The following ROBO2 variants were observed in gnomAD, a reference collection of about 807,000 sequenced individuals.
ROBO2 encodes the protein roundabout guidance receptor 2.
Under a neutral mutation model 160.8 loss-of-function variants are expected in ROBO2, and 53 were observed. The observed-to-expected ratio is 0.33, with a 90% CI of 0.26 to 0.41. ROBO2 has a LOEUF of 0.41. ROBO2 is among the 10% of genes least tolerant of loss of function. The pLI, the probability that ROBO2 is intolerant of heterozygous loss-of-function variation, is 1.00. For missense variants in ROBO2, 1,577 were observed against 1,722.4 expected (o/e 0.92, Z 1.49); for synonymous variants, 664 against 611.7 (o/e 1.09, Z -1.26).
intron 2 of ROBO2, among the ~76,000 whole-genome samples, chr3:77,030,799 T>A (rs915468815): frequency 1.3e-5 from 2 of 152,232 alleles, no homozygotes; most frequent in South Asian, 2.1e-4. Context: ...TCTAATCCAG[T>A]ATGAACTCAT....
At chr3:76,099,322 T>C (rs890491511) in intron 2 of ROBO2, among the ~76,000 whole-genome samples, 3 of 152,164 alleles carry the variant, frequency 2.0e-5, no homozygotes, top group Non-Finnish European at 4.4e-5. Context: ...TTAGTCCTTG[T>C]AGTGTCTCTG....
At chr3:77,121,237 G>T (rs1293185547) in intron 2 of ROBO2, among the ~76,000 whole-genome samples, 1 of 152,056 alleles carries the variant, frequency 6.6e-6, no homozygotes, top group Non-Finnish European at 1.5e-5. Flanking sequence ...GAGCCACCGA[G>T]CCCAGCCAAA....
At chr3:76,742,140 A>G (rs1043093619) in intron 2 of ROBO2, among the ~76,000 whole-genome samples, 4 of 152,154 alleles carry the variant, frequency 2.6e-5, no homozygotes, top group African/African-American at 7.2e-5. Context: ...TTTCCTGACA[A>G]TGATCAAACA....
chr3:77,188,100 G>A (rs1329120193), intron 2 of ROBO2, among the ~76,000 whole-genome samples: 4 of 151,708 alleles, frequency 2.6e-5, no homozygotes, highest in Admixed American at 2.6e-4. Flanking sequence ...TCTTGCTTAT[G>A]TATCAATTAT....
chr3:77,548,144 CATACAT>C (rs1213975584), intron 7 of ROBO2, among the ~76,000 whole-genome samples: 10 of 151,544 alleles, frequency 6.6e-5, no homozygotes, highest in Non-Finnish European at 7.4e-5. Context: ...TACACATACA[CATACAT>C]ACACATACAC....
Position 76,657,646 on chromosome 3 carries a change from GTATATATATTCATATATATGTGTA to G in ROBO2, c.110-440359_110-440336del, listed in dbSNP as rs1189343621. Among the ~76,000 whole-genome samples, 7 of 135,522 alleles carry G rather than the reference GTATATATATTCATATATATGTGTA, an allele frequency of 5.2e-5. No individual in the cohort carries two copies. The East Asian group carries it at 1.4e-3, about 27-fold the overall frequency. The allele number at this position is 135,522 out of a possible 152,430, so 88.9% of individuals were successfully genotyped here. ...TGTGTATATATATTCATATATATGT[GTATATATATTCATATATATGTGTA>G]TATATATACATATATGTGTGTATAT... On this transcript the variant is annotated intron_variant, in intron 2 of 26. Coordinates refer to the ROBO2 transcript ENST00000487694.
chr3:76,268,032 T>C (rs966817405), intron 2 of ROBO2, among the ~76,000 whole-genome samples: 1 of 152,156 alleles, frequency 6.6e-6, no homozygotes, highest in Non-Finnish European at 1.5e-5. Flanking sequence ...TAATACATGT[T>C]ACCAGTTACC....
At chr3:76,158,059 C>T (rs1475407503) in intron 2 of ROBO2, among the ~76,000 whole-genome samples, 2 of 152,088 alleles carry the variant, frequency 1.3e-5, no homozygotes, top group African/African-American at 4.8e-5. Flanking sequence ...AGTTGGGAAC[C>T]AATGACTTCA....
intron 2 of ROBO2, among the ~76,000 whole-genome samples, chr3:76,959,657 A>G (rs902828987): frequency 3.3e-5 from 5 of 152,188 alleles, no homozygotes; most frequent in Admixed American, 2.6e-4. Flanking sequence ...AGCCAGTCAC[A>G]TGAACTTACA....
intron 1 of ROBO2, among the ~76,000 whole-genome samples, chr3:77,072,560 T>A (rs775227543): frequency 3.9e-5 from 6 of 152,150 alleles, no homozygotes; most frequent in Non-Finnish European, 8.8e-5. Flanking sequence ...CATTTGTCTG[T>A]CAGGACTATG....
intron 2 of ROBO2, among the ~76,000 whole-genome samples, chr3:77,198,748 A>G (rs1289792961): frequency 6.6e-6 from 1 of 152,046 alleles, no homozygotes; most frequent in Non-Finnish European, 1.5e-5. Context: ...TAAAGATACA[A>G]AAAAATTAGC....
chr3:76,055,084 A>G (rs147889884), intron 2 of ROBO2, among the ~76,000 whole-genome samples: 1 of 152,316 alleles, frequency 6.6e-6, no homozygotes, highest in Middle Eastern at 3.4e-3. Context: ...CTGAAGGCGA[A>G]TGAGGAGCAA....
At chr3:76,092,655 T>G (rs191200148) in intron 2 of ROBO2, among the ~76,000 whole-genome samples, 1 of 152,302 alleles carries the variant, frequency 6.6e-6, no homozygotes, top group East Asian at 1.9e-4. Context: ...GTTAGGATCA[T>G]TCTCTTTGCT....
Position 77,333,172 on chromosome 3 carries a change from G to A in ROBO2, c.389-144242G>A, listed in dbSNP as rs1193562562. On this transcript the variant is annotated intron_variant, in intron 2 of 25. Coordinates refer to ENST00000461745, the Ensembl canonical transcript of ROBO2. The stretch of plus-strand genomic sequence containing the variant: ...GTTTATTATAATAGATTTAGTTGAA[G>A]CTTGGTTATATTCTGGCGTCAGTAG... 2.6e-5 allele frequency among the ~76,000 whole-genome samples: 4 copies of A among 152,154 alleles called. No individual in the cohort carries two copies. In the East Asian group the frequency reaches 5.8e-4, roughly 22 times the overall value.
intron 2 of ROBO2, among the ~76,000 whole-genome samples, chr3:76,842,051 C>T (rs1454428329): frequency 6.6e-6 from 1 of 152,154 alleles, no homozygotes; most frequent in South Asian, 2.1e-4. Flanking sequence ...TTGGAACATT[C>T]CACTAGAAAT....
intron 2 of ROBO2, among the ~76,000 whole-genome samples, chr3:77,351,218 C>T (rs1244516388): frequency 1.3e-5 from 2 of 151,586 alleles, no homozygotes; most frequent in Non-Finnish European, 2.9e-5. Flanking sequence ...AGTCAGATCT[C>T]GAATAAATAA....
intron 2 of ROBO2, among the ~76,000 whole-genome samples, chr3:76,398,000 A>T (rs1428509239): frequency 6.6e-6 from 1 of 152,194 alleles, no homozygotes; most frequent in Non-Finnish European, 1.5e-5. Flanking sequence ...ATTATAAATC[A>T]TGCTGCCATA....
intron 2 of ROBO2, among the ~76,000 whole-genome samples, chr3:76,494,381 G>A (rs928824699): frequency 9.2e-5 from 14 of 152,152 alleles, no homozygotes; most frequent in Non-Finnish European, 1.5e-4. Flanking sequence ...CAAAAGAAAT[G>A]AAGATGGAAA....
At chr3:77,419,037 G>A (rs980013736) in intron 2 of ROBO2, among the ~76,000 whole-genome samples, 9 of 152,034 alleles carry the variant, frequency 5.9e-5, no homozygotes, top group African/African-American at 1.9e-4. Flanking sequence ...TCAAGGTTTG[G>A]TTCTTTCTGG....
Sources: allele counts gnomAD v4.1 joint callset (sites outside exome capture counted in the v4.1 genomes callset), GRCh38; gene constraint gnomAD v4.1.1; transcripts MANE v1.5; gene names NCBI Gene and HGNC (gene_info 2026-07-23, HGNC 2026-07-21).